Variants in DDAH1 observed in about 807,000 individuals in gnomAD.
The protein encoded by DDAH1 is N(G),N(G)-dimethylarginine dimethylaminohydrolase 1.
In DDAH1, 19 loss-of-function variants were observed where a neutral mutation model predicts 28.8. That is an observed-to-expected ratio of 0.66 (90% confidence interval 0.46 to 0.97). DDAH1 has a LOEUF of 0.97. Among genes scored for constraint, DDAH1 ranks in the 50% least tolerant of loss-of-function variants. The probability of loss-of-function intolerance (pLI) is 0.00; values close to 1 mark genes in which losing one functional copy is unlikely to be tolerated. For synonymous variants in DDAH1, 153 were observed against 154.4 expected, an observed-to-expected ratio of 0.99 and a Z score of 0.07; for missense variants, 326 against 375.9, an observed-to-expected ratio of 0.87 and a Z score of 1.10.
chr1:85,365,415 G>T (rs1650024139), intron 1 of DDAH1, among the ~76,000 whole-genome samples: 1 of 152,190 alleles, frequency 6.6e-6, no homozygotes, highest in African/African-American at 2.4e-5. Context: ...ACAAATTGCA[G>T]CAGTCTGAAC....
At chr1:85,473,385 G>A (rs1401232461) in intron 2 of DDAH1, among the ~76,000 whole-genome samples, 1 of 152,084 alleles carries the variant, frequency 6.6e-6, no homozygotes, top group Non-Finnish European at 1.5e-5. Context: ...GGAAGAAATA[G>A]TTTGAGGGGA....
At chr1:85,365,254 G>C (rs552971551) in intron 1 of DDAH1, among the ~76,000 whole-genome samples, 72 of 152,230 alleles carry the variant, frequency 4.7e-4, no homozygotes, top group African/African-American at 1.7e-3. Flanking sequence ...ACACAATATT[G>C]TTACTAACCA....
intron 1 of DDAH1, among the ~76,000 whole-genome samples, chr1:85,361,584 A>AATT (rs1649800316): frequency 2.6e-5 from 4 of 152,244 alleles, no homozygotes; most frequent in African/African-American, 7.2e-5. Context: ...GCCTTAGAGT[A>AATT]TAAAGTATAT....
In DDAH1 at chr1:85,545,979, T is replaced by C. The variant is rs1459130753; in HGVS notation, c.-123+32005A>G. 5.9e-5 allele frequency among the ~76,000 whole-genome samples: 9 copies of C among 152,292 alleles called. No homozygotes were observed. The East Asian group carries it at 1.2e-3, about 20-fold the overall frequency. On this transcript the variant is annotated intron_variant, in intron 1 of 6. Transcript: ENST00000426972. ...ATGTCAACTTTCTTATTTGTATCAA[T>C]GTTCCTGCTCGTAAAATGGGAGCAA...
intron 1 of DDAH1, among the ~76,000 whole-genome samples, chr1:85,390,153 A>G (rs763945761): frequency 1.3e-5 from 2 of 152,192 alleles, no homozygotes; most frequent in African/African-American, 4.8e-5. Context: ...AGGGGTGTCA[A>G]TCACCACCTC....
At chr1:85,538,203 A>G (rs551733748) in intron 1 of DDAH1, among the ~76,000 whole-genome samples, 2 of 152,254 alleles carry the variant, frequency 1.3e-5, no homozygotes, top group Non-Finnish European at 2.9e-5. Context: ...TAAGTTATGC[A>G]GGAACTTTCT....
intron 2 of DDAH1, chr1:85,488,255 T>C (rs1170691095): frequency 1.3e-5 from 2 of 152,106 alleles, no homozygotes; most frequent in African/African-American, 2.4e-5. Context: ...ATACTATAGA[T>C]TGGGTGGCTT....
At chr1:85,488,482 A>T (rs905379238) in intron 2 of DDAH1, 2 of 152,146 alleles carry the variant, frequency 1.3e-5, no homozygotes, top group African/African-American at 4.8e-5. Context: ...TCATAACCTC[A>T]TCTAACCCCA....
chr1:85,394,407 T>C (rs1169374531), intron 1 of DDAH1, among the ~76,000 whole-genome samples: 2 of 152,220 alleles, frequency 1.3e-5, no homozygotes, highest in East Asian at 1.9e-4. Context: ...TCTTGGACTT[T>C]CCAGCCTCTA....
chr1:85,343,422 C>T (rs776467253), intron 4 of DDAH1, among the ~76,000 whole-genome samples: 1 of 152,186 alleles, frequency 6.6e-6, no homozygotes, highest in Non-Finnish European at 1.5e-5. Context: ...GGAGCATAAA[C>T]AGTTGTTACA....
At chr1:85,351,391 T>G in intron 3 of DDAH1, 115 bp downstream of exon 3, 1 of 810,086 alleles carries the variant, frequency 1.2e-6, no homozygotes, top group East Asian at 2.6e-5. Flanking sequence ...CATTACGAAT[T>G]ATTGTACAAA....
intron 1 of DDAH1, among the ~76,000 whole-genome samples, chr1:85,389,234 AAAACAAAC>A (rs148493870): frequency 2.6e-5 from 4 of 152,236 alleles, no homozygotes; most frequent in South Asian, 2.1e-4. Flanking sequence ...ATCCTGTCTC[AAAACAAAC>A]AAACAAACAA....
At chr1:85,430,718 T>C (rs2100634206) in intron 1 of DDAH1, among the ~76,000 whole-genome samples, 1 of 152,270 alleles carries the variant, frequency 6.6e-6, no homozygotes, top group East Asian at 1.9e-4. Context: ...ATAGGAGTGC[T>C]TGTGATTTTT....
At chr1:85,504,260 C>G (rs1656928635) in intron 1 of DDAH1, among the ~76,000 whole-genome samples, 1 of 152,176 alleles carries the variant, frequency 6.6e-6, no homozygotes, top group South Asian at 2.1e-4. Flanking sequence ...ACTGGATCTA[C>G]TGTATAACAA....
intron 1 of DDAH1, among the ~76,000 whole-genome samples, chr1:85,443,834 A>G (rs967937179): frequency 1.7e-4 from 26 of 152,248 alleles, no homozygotes; most frequent in African/African-American, 6.3e-4. Flanking sequence ...TTGGTGTATA[A>G]GAATGCTTGT....
intron 1 of DDAH1, among the ~76,000 whole-genome samples, chr1:85,455,549 T>A (rs1232304773): frequency 2.6e-5 from 4 of 152,118 alleles, no homozygotes; most frequent in Non-Finnish European, 5.9e-5. Context: ...CCAGCACACA[T>A]ATATGGAAGG....
chr1:85,321,983 G>A (rs2100781381), intron 5 of DDAH1, among the ~76,000 whole-genome samples: 1 of 152,164 alleles, frequency 6.6e-6, no homozygotes, highest in African/African-American at 2.4e-5. Flanking sequence ...GCGCGACCAT[G>A]GCTCACTGCA....
chr1:85,408,630 T>C (rs1323012592), intron 1 of DDAH1, among the ~76,000 whole-genome samples: 1 of 152,192 alleles, frequency 6.6e-6, no homozygotes. Context: ...TGGGGCAAGT[T>C]ATACACATCC....
At chr1:85,409,704 A>G (rs563223967) in intron 1 of DDAH1, among the ~76,000 whole-genome samples, 1 of 152,314 alleles carries the variant, frequency 6.6e-6, no homozygotes, top group East Asian at 1.9e-4. Flanking sequence ...AGCAGGTTGC[A>G]TTCACCTCTA....
Sources: allele counts gnomAD v4.1 joint callset (sites outside exome capture counted in the v4.1 genomes callset), GRCh38; gene constraint gnomAD v4.1.1; transcripts MANE v1.5; gene names NCBI Gene and HGNC (gene_info 2026-07-23, HGNC 2026-07-21).